PLEKHN1: variants seen among roughly 807,000 people sequenced by gnomAD.
PLEKHN1 encodes pleckstrin homology domain containing N1, also known as pleckstrin homology domain-containing family N member 1.
In PLEKHN1, 68 loss-of-function variants were observed where a neutral mutation model predicts 72.8. The ratio of observed to expected loss-of-function variants is 0.93; its 90% CI spans 0.77 to 1.14. The LOEUF (loss-of-function observed/expected upper bound fraction) is 1.14. Among genes scored for constraint, PLEKHN1 ranks in the 50% most tolerant of loss-of-function variants. The probability of loss-of-function intolerance (pLI) is 0.00; values close to 1 mark genes in which losing one functional copy is unlikely to be tolerated. For synonymous variants in PLEKHN1, 454 were observed against 371.6 expected (o/e 1.22, Z -2.55); for missense variants, 1,015 against 840.5 (o/e 1.21, Z -2.57).
intron 2 of PLEKHN1, among the ~76,000 whole-genome samples, chr1:969,350 TATGTGTGC>T (rs1188943540): frequency 6.7e-6 from 1 of 149,226 alleles, no homozygotes; most frequent in Non-Finnish European, 1.5e-5. Context: ...CACAAGTGTG[TATGTGTGC>T]ATGTGTTTGC....
At chr1:973,465 C>A in intron 12 of PLEKHN1, 35 bp from the exon 13 acceptor site, 1 of 1,606,516 alleles carries the variant, frequency 6.2e-7, no homozygotes, top group South Asian at 1.1e-5. Flanking sequence ...CTGTTTCTAG[C>A]CGAGAAGCCC....
intron 8 of PLEKHN1, 46 bp from the exon 9 acceptor site, chr1:972,029 C>G (rs375659879): frequency 1.3e-6 from 2 of 1,580,720 alleles, no homozygotes; most frequent in Non-Finnish European, 1.7e-6. Context: ...GGCGGGGCCC[C>G]GGGGCTGCCC....
intron 15 of PLEKHN1, 32 bp downstream of exon 15, chr1:974,396 G>T: frequency 6.2e-7 from 1 of 1,612,924 alleles, no homozygotes. Flanking sequence ...TGAGGTGAGT[G>T]CCTGTTGCCT....
At chr1:967,000 C>T (rs1643029789) in intron 2 of PLEKHN1, among the ~76,000 whole-genome samples, 197 bp downstream of exon 2, 2 of 152,214 alleles carry the variant, frequency 1.3e-5, no homozygotes, top group Non-Finnish European at 2.9e-5. Context: ...GAAACCGCGA[C>T]GCAGGACTGA....
At chr1:966,672 C>G in intron 1 of PLEKHN1, 32 bp from the exon 2 acceptor site, 2 of 1,580,896 alleles carry the variant, frequency 1.3e-6, no homozygotes, top group South Asian at 1.1e-5. Context: ...CGCTCCGGGG[C>G]CAAGCCACGA....
In PLEKHN1 at chr1:966,633, CG is replaced by C; in HGVS notation, c.83+21del. On this transcript the variant is annotated intron_variant, in intron 1 of 15. Transcript: ENST00000379410. ...GAAACAGGTGAGCGGGGCGTGGGTG[CG>C]GCCACCTGGGCGCAGGGCTCCCCCA... 1 of 1,601,940 alleles carries C rather than the reference CG, an allele frequency of 6.2e-7. No homozygotes were observed.
At chr1:967,888 G>A (rs1007873037) in intron 2 of PLEKHN1, among the ~76,000 whole-genome samples, 6 of 152,160 alleles carry the variant, frequency 3.9e-5, no homozygotes, top group African/African-American at 7.2e-5. Context: ...GGCCGTAGTG[G>A]TCCTCCCTTG....
intron 9 of PLEKHN1, 42 bp downstream of exon 9, chr1:972,192 C>T: frequency 6.2e-7 from 1 of 1,607,638 alleles, no homozygotes; most frequent in South Asian, 1.1e-5. Context: ...CTGGCCAGGC[C>T]ATGGTGGGGC....
chr1:969,488 ATGT>A (rs1557644426), intron 2 of PLEKHN1, among the ~76,000 whole-genome samples: 41 of 151,828 alleles, frequency 2.7e-4, no homozygotes, highest in Non-Finnish European at 5.6e-4. Flanking sequence ...GTGTGCATGC[ATGT>A]GTGTGCATGT....
rs199907570 is a variant in PLEKHN1, at chr1:972,877, G to A, written c.1019G>A (p.Arg340Gln). The change falls in exon 11 of 16, where the codon CGA (arginine) becomes CAA (glutamine). Residue 340 changes from arginine (R) to glutamine (Q), a missense_variant. Coordinates refer to ENST00000379410, the MANE Select transcript of PLEKHN1 (RefSeq NM_032129.3). ...FPGSQVMGSG[R>Q]GSLSSGGQTS... is the part of the protein sequence containing the mutation. ...CCCATCCAGGTTATGGGCAGTGGCC[G>A]AGGCTCACTCTCCTCAGGCGGACAG... The A allele has an allele frequency of 2.6e-5, 40 of 1,555,780 alleles. No homozygotes were observed. Among genetic ancestry groups the A allele is most frequent in the Non-Finnish European group, 3.1e-5 (36 of 1,149,798 alleles).
rs373186896 is a variant in PLEKHN1 at position 970,636 on chromosome 1, G to A, written c.411+35G>A. On this transcript the variant is annotated intron_variant, in intron 4 of 15. Coordinates refer to ENST00000379410, the MANE Select transcript of PLEKHN1 (RefSeq NM_032129.3). This position sits in a 1 kb window ranked among gnomAD's most constrained non-coding sequence, Gnocchi z 4.2. ...TGGGCAATGGGGTGGGGCCATGGCC[G>A]CCCTTCCCTCCATGGATCCCTGAAG... 67 of 1,605,418 alleles carry A rather than the reference G, an allele frequency of 4.2e-5. 1 individual carries two copies. The African/African-American group carries it at 6.9e-4, about 17-fold the overall frequency.
chr1:971,178 G>T lies in PLEKHN1; in HGVS notation c.678G>T (p.Ser226=). The change falls in exon 7 of 16, where the codon TCG becomes TCT. Residue 226 remains serine, a synonymous_variant. Coordinates refer to ENST00000379410, the MANE Select transcript of PLEKHN1 (RefSeq NM_032129.3). ...HEPGGSAVCA[S]RVKLQHLPAQ... is the part of the protein sequence containing the mutation. The stretch of plus-strand genomic sequence containing the variant: ...CCGGCGGCAGTGCTGTCTGTGCCTC[G>T]AGGGTCAAGCTGCAGCACCTGCCCG... 1 of 1,595,262 alleles carries T rather than the reference G, an allele frequency of 6.3e-7. No homozygotes were observed. The highest frequency in any genetic ancestry group is 8.5e-7 in the Non-Finnish European group (1 of 1,171,848).
At chr1:966,833 C>A in intron 2 of PLEKHN1, 30 bp downstream of exon 2, 1 of 1,533,224 alleles carries the variant, frequency 6.5e-7, no homozygotes, top group South Asian at 1.2e-5. Flanking sequence ...TGGCTGTGGT[C>A]TGGGAGCGTG....
rs201865140 is a variant in PLEKHN1, at chr1:972,180, G to C, written c.865+30G>C. The C allele has an allele frequency of 2.1e-4, 345 of 1,609,876 alleles. No homozygotes were observed. In the East Asian group the frequency reaches 4.1e-3, roughly 19 times the overall value. ...GGCCCTGACCCTGGTTCTGCCTCCC[G>C]CCTGGCCAGGCCATGGTGGGGCGGG... On this transcript the variant is annotated intron_variant, in intron 9 of 15. Transcript: ENST00000379410.
rs1355658492 is a variant in PLEKHN1 at position 975,483 on chromosome 1, G to T, written c.*908G>T. On this transcript the variant is annotated 3_prime_UTR_variant, in exon 16 of 16. Transcript: ENST00000379410. ...ACCTGCACCCAGGGCTCCCGGGGAG[G>T]GGCTCGCGGCTCTGCCACAGACCCC... 1 of 152,324 alleles carries T rather than the reference G, an allele frequency of 6.6e-6. No individual in the cohort carries two copies. The highest frequency in any genetic ancestry group is 2.4e-5 in the African/African-American group (1 of 41,460). The allele number at this position is 152,324 out of a possible 1,614,324, so 9.4% of individuals were successfully genotyped here.
intron 11 of PLEKHN1, 85 bp downstream of exon 11, chr1:973,095 A>T (rs1643424013): frequency 1.3e-6 from 2 of 1,513,886 alleles, no homozygotes; most frequent in East Asian, 2.4e-5. Flanking sequence ...CCTCAGGGGA[A>T]CTCAGACTGG....
chr1:972,270 A>G lies in PLEKHN1; in HGVS notation c.866-18A>G. The G allele has an allele frequency of 6.2e-7, 1 of 1,607,906 alleles. No homozygotes were observed. Among genetic ancestry groups the G allele is most frequent in the Non-Finnish European group, 8.5e-7 (1 of 1,176,552 alleles). ...GGGTGCACCCCCCCGCCAGCCCCTC[A>G]CAGCATCTGTATGCCAGGCCCCCTC... On this transcript the variant is annotated intron_variant, in intron 9 of 15. Transcript: ENST00000379410.
chr1:972,709 T>C, intron 10 of PLEKHN1, 152 bp from the exon 11 acceptor site: 1 of 1,063,092 alleles, frequency 9.4e-7, no homozygotes, highest in South Asian at 1.7e-5. Flanking sequence ...GAGGTTGCAG[T>C]GAGCCGAGAT....
intron 10 of PLEKHN1, 62 bp from the exon 11 acceptor site, chr1:972,799 C>T: frequency 1.4e-6 from 2 of 1,449,124 alleles, no homozygotes; most frequent in South Asian, 2.8e-5. Context: ...ACGGTGGGTC[C>T]AGGCAGGGGC....
Sources: gnomAD v4.1 joint callset for allele counts (sites outside exome capture counted in the v4.1 genomes callset) on GRCh38, gnomAD v4.1.1 for gene constraint, Gnocchi (gnomAD v3.1) non-coding constraint, MANE v1.5 for transcripts, NCBI Gene and HGNC (gene_info 2026-07-23, HGNC 2026-07-21) for gene names.